The following SLC9A9 variants were observed in gnomAD, a reference collection of about 807,000 sequenced individuals.
SLC9A9 encodes sodium/hydrogen exchanger 9.
Under a neutral mutation model 77.8 loss-of-function variants are expected in SLC9A9, and 62 were observed. The ratio of observed to expected loss-of-function variants is 0.80; its 90% CI spans 0.65 to 0.98. The LOEUF is 0.98. Ranked by LOEUF, SLC9A9 falls within the 50% of genes least tolerant of loss-of-function variation. The pLI is 0.00. For synonymous variants in SLC9A9, 320 were observed against 283.5 expected, an observed-to-expected ratio of 1.13 and a Z score of -1.29; for missense variants, 775 against 774.9, an observed-to-expected ratio of 1.00 and a Z score of 0.00.
intron 6 of SLC9A9, among the ~76,000 whole-genome samples, chr3:143,615,797 G>A (rs1184599063): frequency 6.6e-6 from 1 of 152,078 alleles, no homozygotes. Context: ...GGTGCTCAGG[G>A]AGATTAGGCA....
At chr3:143,805,782 A>T (rs558580059) in intron 2 of SLC9A9, among the ~76,000 whole-genome samples, 11 of 152,006 alleles carry the variant, frequency 7.2e-5, no homozygotes, top group African/African-American at 2.4e-4. Flanking sequence ...TCCATTACCT[A>T]CCCAAATCCT....
At position 143,808,848 on chromosome 3, in the gene SLC9A9, C is replaced by T. The variant is rs1248719621; in HGVS notation, c.379-11945G>A. Among the ~76,000 whole-genome samples the T allele has an allele frequency of 2.0e-5, 3 of 151,808 alleles. No individual in the cohort carries two copies. In the East Asian group the frequency reaches 5.8e-4, roughly 29 times the overall value. On this transcript the variant is annotated intron_variant, in intron 2 of 15. Coordinates refer to ENST00000316549, the MANE Select transcript of SLC9A9 (RefSeq NM_173653.4). ...TATTTGTAAAGCCCTCAAAGCATTG[C>T]CTGACATCTAGTAAGCACATTTTAT... is the stretch of plus-strand genomic sequence containing the variant.
intron 5 of SLC9A9, among the ~76,000 whole-genome samples, chr3:143,658,945 G>A (rs571378229): frequency 6.6e-6 from 1 of 152,268 alleles, no homozygotes; most frequent in African/African-American, 2.4e-5. Flanking sequence ...TTCCCCAAGG[G>A]TACCTACATC....
chr3:143,837,652 A>G (rs780810923), intron 1 of SLC9A9, among the ~76,000 whole-genome samples: 7 of 152,170 alleles, frequency 4.6e-5, no homozygotes, highest in African/African-American at 7.2e-5. Flanking sequence ...CCCTCCACAC[A>G]TAGCCATATG....
chr3:143,619,382 G>C (rs553581456), intron 6 of SLC9A9, among the ~76,000 whole-genome samples: 59 of 152,284 alleles, frequency 3.9e-4, no homozygotes, highest in South Asian at 6.2e-4. Context: ...AAAAAAGGAA[G>C]CTTACGCAAA....
intron 11 of SLC9A9, among the ~76,000 whole-genome samples, chr3:143,472,196 C>G (rs1472519825): frequency 6.6e-6 from 1 of 152,196 alleles, no homozygotes; most frequent in Non-Finnish European, 1.5e-5. Flanking sequence ...TTTGGCTGCT[C>G]TGTTCCAGTG....
At chr3:143,481,769 G>A (rs763488269) in intron 11 of SLC9A9, among the ~76,000 whole-genome samples, 3 of 152,196 alleles carry the variant, frequency 2.0e-5, no homozygotes, top group Non-Finnish European at 4.4e-5. Flanking sequence ...GATCAAGACA[G>A]CATGGAAGTG....
intron 15 of SLC9A9, among the ~76,000 whole-genome samples, chr3:143,268,672 G>T (rs535633815): frequency 2.1e-5 from 3 of 144,544 alleles, no homozygotes; most frequent in Non-Finnish European, 4.5e-5. Context: ...GGCGGAGCTT[G>T]CAGTGAGCTG....
At chr3:143,689,724 T>C (rs1187054401) in intron 5 of SLC9A9, among the ~76,000 whole-genome samples, 2 of 152,104 alleles carry the variant, frequency 1.3e-5, no homozygotes, top group African/African-American at 4.8e-5. Flanking sequence ...AAGATTCTTA[T>C]ATGTTGTTAT....
chr3:143,722,663 T>G (rs924962182), intron 4 of SLC9A9, among the ~76,000 whole-genome samples: 3 of 152,142 alleles, frequency 2.0e-5, no homozygotes, highest in Admixed American at 6.5e-5. Flanking sequence ...TTGTTTTCCC[T>G]TCCTTGTGTC....
chr3:143,552,123 T>A (rs1415748081), intron 9 of SLC9A9, among the ~76,000 whole-genome samples: 1 of 152,206 alleles, frequency 6.6e-6, no homozygotes, highest in Non-Finnish European at 1.5e-5. Context: ...AGACTGACAG[T>A]CTAAGTTCAA....
chr3:143,630,036 T>A (rs535227135), intron 6 of SLC9A9, among the ~76,000 whole-genome samples: 1 of 149,114 alleles, frequency 6.7e-6, no homozygotes, highest in East Asian at 1.9e-4. Flanking sequence ...TGAGGCTCAA[T>A]GAAAAAACAA....
Position 143,739,383 on chromosome 3 carries a change from T to C in SLC9A9, c.534-46076A>G, listed in dbSNP as rs530505505. ...TTCCCGTTATCCCATAACTTCCATA[T>C]CATAGTGAAGGACACAAAGGGATTA... On this transcript the variant is annotated intron_variant, in intron 4 of 15. Coordinates refer to ENST00000316549, the MANE Select transcript of SLC9A9 (RefSeq NM_173653.4). Among the ~76,000 whole-genome samples the C allele has an allele frequency of 2.6e-5, 4 of 152,240 alleles. No individual in the cohort carries two copies. The South Asian group carries it at 8.3e-4, about 32-fold the overall frequency.
intron 9 of SLC9A9, among the ~76,000 whole-genome samples, chr3:143,509,161 G>A (rs1327559148): frequency 6.6e-6 from 1 of 152,238 alleles, no homozygotes; most frequent in African/African-American, 2.4e-5. Context: ...TAAGAAATTG[G>A]AGAGTGTAAA....
intron 6 of SLC9A9, among the ~76,000 whole-genome samples, chr3:143,608,498 G>A (rs1403833432): frequency 6.6e-6 from 1 of 152,188 alleles, no homozygotes; most frequent in Non-Finnish European, 1.5e-5. Flanking sequence ...AAGCAGGATG[G>A]ATAGATGACA....
At chr3:143,590,787 T>A (rs1043588626) in intron 6 of SLC9A9, among the ~76,000 whole-genome samples, 2 of 151,890 alleles carry the variant, frequency 1.3e-5, no homozygotes, top group Non-Finnish European at 2.9e-5. Context: ...TTAGCAACAG[T>A]CAAGGAAAAA....
intron 4 of SLC9A9, among the ~76,000 whole-genome samples, chr3:143,713,739 C>G (rs79380870): frequency 0.034 from 5,234 of 152,178 alleles, 292 homozygotes; most frequent in African/African-American, 0.12. Flanking sequence ...ACAAAAAACA[C>G]ATACAGGTGT....
At chr3:143,457,932 T>C (rs1280858300) in intron 12 of SLC9A9, among the ~76,000 whole-genome samples, 1 of 152,194 alleles carries the variant, frequency 6.6e-6, no homozygotes, top group Non-Finnish European at 1.5e-5. Context: ...TAGAGTGTTC[T>C]ATAAATGTCA....
chr3:143,435,238 A>T (rs2034599172), intron 12 of SLC9A9, among the ~76,000 whole-genome samples: 1 of 152,152 alleles, frequency 6.6e-6, no homozygotes, highest in African/African-American at 2.4e-5. Context: ...TTGTAGCCAG[A>T]ACTCATGACT....
Sources: gnomAD v4.1 joint callset for allele counts (sites outside exome capture counted in the v4.1 genomes callset) on GRCh38, gnomAD v4.1.1 for gene constraint, MANE v1.5 for transcripts, NCBI Gene and HGNC (gene_info 2026-07-23, HGNC 2026-07-21) for gene names.